Variants in IMMP2L observed in about 807,000 individuals in gnomAD.
IMMP2L encodes inner mitochondrial membrane peptidase subunit 2.
A neutral mutation model predicts 19.3 loss-of-function variants in IMMP2L; 18 were observed. That is an observed-to-expected ratio of 0.93 (90% CI 0.64 to 1.38). The LOEUF (loss-of-function observed/expected upper bound fraction) is 1.38, where lower values mean the gene tolerates loss of function less well. Ranked by LOEUF, IMMP2L falls within the 40% of genes most tolerant of loss-of-function variation. The probability of loss-of-function intolerance (pLI) is 0.00; values close to 1 mark genes in which losing one functional copy is unlikely to be tolerated. For missense variants in IMMP2L, 233 were observed against 218.2 expected, an observed-to-expected ratio of 1.07 and a Z score of -0.43; for synonymous variants, 76 against 73.0, an observed-to-expected ratio of 1.04 and a Z score of -0.21.
intron 3 of IMMP2L, among the ~76,000 whole-genome samples, chr7:111,315,038 C>G (rs1329439678): frequency 6.6e-6 from 1 of 152,052 alleles, no homozygotes; most frequent in African/African-American, 2.4e-5. Flanking sequence ...ACGTGCATAT[C>G]TCACCCAAAG....
intron 3 of IMMP2L, among the ~76,000 whole-genome samples, chr7:111,006,125 T>C (rs1422091278): frequency 2.6e-5 from 4 of 152,156 alleles, no homozygotes; most frequent in Non-Finnish European, 5.9e-5. Context: ...ACATCTCCCA[T>C]GCGGTTTAGG....
intron 3 of IMMP2L, among the ~76,000 whole-genome samples, chr7:111,418,230 C>T (rs933146862): frequency 1.3e-4 from 19 of 151,796 alleles, no homozygotes; most frequent in African/African-American, 4.6e-4. Context: ...TATAAATTTG[C>T]ATCTGTAATT....
At chr7:110,762,872 A>G (rs531547359) in intron 5 of IMMP2L, among the ~76,000 whole-genome samples, 51 of 152,154 alleles carry the variant, frequency 3.4e-4, no homozygotes, top group African/African-American at 1.2e-3. Context: ...CATATACTCC[A>G]CCCTGCATTT....
chr7:110,863,062 T>A (rs1807616537), intron 5 of IMMP2L, among the ~76,000 whole-genome samples: 1 of 152,124 alleles, frequency 6.6e-6, no homozygotes, highest in African/African-American at 2.4e-5. Context: ...AGTAATAAAC[T>A]GCCCTTTTTC....
At chr7:110,952,319 C>T (rs10260255) in intron 4 of IMMP2L, among the ~76,000 whole-genome samples, 98,881 of 151,950 alleles carry the variant, frequency 0.65, 33,132 homozygotes, top group African/African-American at 0.81. Flanking sequence ...ATTTTTTGAA[C>T]TTTTGCATGA....
At chr7:111,047,171 T>C (rs1317251481) in intron 3 of IMMP2L, among the ~76,000 whole-genome samples, 1 of 14,020 alleles carries the variant, frequency 7.1e-5, no homozygotes, top group Non-Finnish European at 2.3e-4. Flanking sequence ...AAAATGTCTT[T>C]TTTGTTTTTT....
At chr7:110,675,690 T>A (rs73207096) in intron 5 of IMMP2L, among the ~76,000 whole-genome samples, 4,149 of 152,308 alleles carry the variant, frequency 0.027, 75 homozygotes, top group Middle Eastern at 0.092. Context: ...AAAATAAGTT[T>A]TAAATAAAAC....
intron 3 of IMMP2L, among the ~76,000 whole-genome samples, chr7:111,046,533 A>T: frequency 6.6e-6 from 1 of 152,258 alleles, no homozygotes; most frequent in Non-Finnish European, 1.5e-5. Flanking sequence ...GAAACATGAT[A>T]GGGAGTCTAT....
At chr7:111,285,366 A>G (rs1008022452) in intron 3 of IMMP2L, among the ~76,000 whole-genome samples, 10 of 152,172 alleles carry the variant, frequency 6.6e-5, no homozygotes, top group Admixed American at 6.6e-4. Context: ...CTTGGGAAAG[A>G]CCTGATTGAA....
At chr7:111,363,642 C>A (rs1261950524) in intron 3 of IMMP2L, among the ~76,000 whole-genome samples, 1 of 151,874 alleles carries the variant, frequency 6.6e-6, no homozygotes, top group Non-Finnish European at 1.5e-5. Flanking sequence ...ACGGTCTTTC[C>A]CCCCTTCAAT....
chr7:111,525,178 T>C lies in IMMP2L; in HGVS notation c.-2-3729A>G, dbSNP rs928496454. On this transcript the variant is annotated intron_variant, in intron 1 of 5. Transcript: ENST00000405709. Reference sequence around the variant, plus strand: ...TTGAGGAAGAGGCTGAACTGAAAAATGAGGAGAACTTCTCTAGATAAAGAA... The same window carrying C: ...TTGAGGAAGAGGCTGAACTGAAAAACGAGGAGAACTTCTCTAGATAAAGAA... Among the ~76,000 whole-genome samples the C allele has an allele frequency of 2.0e-5, 3 of 151,808 alleles. No individual in the cohort carries two copies. The East Asian group carries it at 5.8e-4, about 29-fold the overall frequency.
chr7:110,889,844 C>A lies in IMMP2L; in HGVS notation c.306-3149G>T, dbSNP rs75980475. 7.1e-3 allele frequency among the ~76,000 whole-genome samples: 1,088 copies of A among 152,232 alleles called. 10 individuals are homozygous for A. The highest frequency in any genetic ancestry group is 0.023 in the African/African-American group (941 of 41,546). On this transcript the variant is annotated intron_variant, in intron 4 of 5. Transcript: ENST00000405709. ...TTACACAGCTGGGCAAGTAACAATACCTAACTCAAAAAGTTATTCTATAGA... is the reference window on the plus strand; with the variant it reads ...TTACACAGCTGGGCAAGTAACAATAACTAACTCAAAAAGTTATTCTATAGA...
At chr7:110,767,749 T>C (rs1286612597) in intron 5 of IMMP2L, among the ~76,000 whole-genome samples, 1 of 152,148 alleles carries the variant, frequency 6.6e-6, no homozygotes. Flanking sequence ...GTCTTCCTGC[T>C]CCCATCAAGC....
intron 3 of IMMP2L, among the ~76,000 whole-genome samples, chr7:111,100,560 A>T (rs1797865241): frequency 6.6e-6 from 1 of 150,398 alleles, no homozygotes; most frequent in African/African-American, 2.4e-5. Flanking sequence ...AATAAATAAT[A>T]TAATGATAAT....
intron 5 of IMMP2L, among the ~76,000 whole-genome samples, chr7:110,667,476 A>C (rs899524407): frequency 1.3e-5 from 2 of 152,204 alleles, no homozygotes; most frequent in Non-Finnish European, 2.9e-5. Flanking sequence ...AGTTGACCTT[A>C]AGATAACAAG....
intron 3 of IMMP2L, among the ~76,000 whole-genome samples, chr7:111,421,267 C>CTTTTTTTTTTTTTTTTTTT (rs1227013257): frequency 1.6e-5 from 2 of 122,916 alleles, no homozygotes; most frequent in African/African-American, 6.4e-5. Context: ...TTGTTTTTTT[C>CTTTTTTTTTTTTTTTTTTT]TTTTTTTTTT....
At chr7:111,100,156 T>A (rs1797819733) in intron 3 of IMMP2L, among the ~76,000 whole-genome samples, 1 of 151,638 alleles carries the variant, frequency 6.6e-6, no homozygotes, top group Admixed American at 6.6e-5. Context: ...AATAGCTTTT[T>A]GGGAAACAGA....
chr7:110,830,529 T>C (rs964274035), intron 5 of IMMP2L, among the ~76,000 whole-genome samples: 3 of 152,158 alleles, frequency 2.0e-5, no homozygotes, highest in African/African-American at 7.2e-5. Flanking sequence ...AAATATAATG[T>C]TCTCAGTAGG....
At position 111,054,602 on chromosome 7, in the gene IMMP2L, C is replaced by T. The variant is rs563336353; in HGVS notation, c.240-91037G>A. On this transcript the variant is annotated intron_variant, in intron 3 of 5. Transcript: ENST00000405709. ...ACACACACTGGAGCATGTTAATTAC[C>T]ACAGAAGAGAAGGCGTTTTCAAGTT... 5.9e-5 allele frequency among the ~76,000 whole-genome samples: 9 copies of T among 152,236 alleles called. No individual in the cohort carries two copies. In the South Asian group the frequency reaches 1.9e-3, roughly 32 times the overall value.
Sources: allele counts gnomAD v4.1 joint callset (sites outside exome capture counted in the v4.1 genomes callset), GRCh38; gene constraint gnomAD v4.1.1; transcripts MANE v1.5; gene names NCBI Gene and HGNC (gene_info 2026-07-23, HGNC 2026-07-21).